The following PTPRN2 variants were observed in gnomAD, a reference collection of about 807,000 sequenced individuals.
PTPRN2 encodes protein tyrosine phosphatase receptor type N2.
Under a neutral mutation model 118.8 loss-of-function variants are expected in PTPRN2, and 74 were observed. The ratio of observed to expected loss-of-function variants is 0.62; its 90% CI spans 0.52 to 0.76. The LOEUF (loss-of-function observed/expected upper bound fraction) is 0.76, where lower values mean the gene tolerates loss of function less well. Among genes scored for constraint, PTPRN2 ranks in the 30% least tolerant of loss-of-function variants. PTPRN2 has a pLI of 0.00. For synonymous variants in PTPRN2, 641 were observed against 608.0 expected, an observed-to-expected ratio of 1.05 and a Z score of -0.80; for missense variants, 1,481 against 1,394.4, an observed-to-expected ratio of 1.06 and a Z score of -0.99.
intron 12 of PTPRN2, among the ~76,000 whole-genome samples, chr7:157,877,889 G>C (rs1487011606): frequency 6.6e-6 from 1 of 152,208 alleles, no homozygotes; most frequent in Non-Finnish European, 1.5e-5. Context: ...GGGAGAAGAG[G>C]AACAGGAAAT....
At chr7:158,492,709 T>C (rs991730912) in intron 1 of PTPRN2, among the ~76,000 whole-genome samples, 1 of 152,282 alleles carries the variant, frequency 6.6e-6, no homozygotes, top group Non-Finnish European at 1.5e-5. Flanking sequence ...TTATTTGTTC[T>C]AAAATTACGA....
chr7:158,021,923 TA>T (rs1194293100), intron 11 of PTPRN2, among the ~76,000 whole-genome samples: 1 of 152,118 alleles, frequency 6.6e-6, no homozygotes, highest in Non-Finnish European at 1.5e-5. Context: ...AGTATTAAAA[TA>T]AAAAATGAGG....
chr7:158,063,590 CTT>C (rs1810525198), intron 11 of PTPRN2, among the ~76,000 whole-genome samples: 1 of 152,214 alleles, frequency 6.6e-6, no homozygotes, highest in Non-Finnish European at 1.5e-5. Context: ...GCTGCTCACT[CTT>C]TGGGTCTGCA....
intron 5 of PTPRN2, among the ~76,000 whole-genome samples, chr7:158,188,644 T>C (rs1209565173): frequency 9.5e-4 from 103 of 107,944 alleles, no homozygotes; most frequent in Non-Finnish European, 1.6e-3. Flanking sequence ...GCCGCCACGC[T>C]CGCCCCCTGA....
intron 6 of PTPRN2, among the ~76,000 whole-genome samples, chr7:158,151,513 C>CTGCCCACA (rs1821143203): frequency 3.4e-5 from 5 of 147,722 alleles, no homozygotes; most frequent in Non-Finnish European, 6.0e-5. Context: ...CTTTCTGCTC[C>CTGCCCACA]TCACCGCACG....
intron 12 of PTPRN2, among the ~76,000 whole-genome samples, chr7:157,829,149 T>C (rs1157513805): frequency 1.3e-5 from 2 of 152,256 alleles, no homozygotes; most frequent in East Asian, 1.9e-4. Context: ...ACATTTTTAA[T>C]AAGGACAACT....
chr7:158,543,116 C>T (rs749154254), intron 1 of PTPRN2, among the ~76,000 whole-genome samples: 4 of 152,256 alleles, frequency 2.6e-5, no homozygotes, highest in Non-Finnish European at 5.9e-5. Flanking sequence ...AAAAGGTCTT[C>T]TGCTTTAAAA....
intron 2 of PTPRN2, among the ~76,000 whole-genome samples, chr7:158,332,370 A>G (rs1169542957): frequency 1.6e-5 from 2 of 128,864 alleles, no homozygotes; most frequent in Non-Finnish European, 3.6e-5. Flanking sequence ...CTCTCACCAT[A>G]AGAGGTGACA....
intron 10 of PTPRN2, among the ~76,000 whole-genome samples, chr7:158,084,275 C>G (rs1813080783): frequency 6.7e-6 from 1 of 150,366 alleles, no homozygotes; most frequent in Non-Finnish European, 1.5e-5. Flanking sequence ...CAACCCCACC[C>G]ACCACCCCCC....
intron 17 of PTPRN2, among the ~76,000 whole-genome samples, chr7:157,588,860 G>A (rs998411030): frequency 4.6e-5 from 7 of 151,942 alleles, no homozygotes; most frequent in African/African-American, 7.3e-5. Flanking sequence ...CCTCCCACCA[G>A]CTGTGTGGAT....
At chr7:158,252,879 C>G (rs1291813582) in intron 3 of PTPRN2, among the ~76,000 whole-genome samples, 1 of 151,648 alleles carries the variant, frequency 6.6e-6, no homozygotes, top group East Asian at 2.0e-4. Context: ...TGCCGGAAAA[C>G]GACCCCATAT....
At position 157,540,317 on chromosome 7, in the gene PTPRN2, G is replaced by C. The variant is rs1002898657; in HGVS notation, c.*397C>G. 1 of 157,340 alleles carries C rather than the reference G, an allele frequency of 6.4e-6. No individual in the cohort carries two copies. Among genetic ancestry groups the C allele is most frequent in the Admixed American group, 6.5e-5 (1 of 15,486 alleles). The allele number at this position is 157,340 out of a possible 1,614,324, so 9.7% of individuals were successfully genotyped here. A position where few individuals can be genotyped will look rare whatever the true frequency, so the allele number is the denominator to read the frequency against. On this transcript the variant is annotated 3_prime_UTR_variant, in exon 23 of 23. Coordinates refer to ENST00000389418, the MANE Select transcript of PTPRN2 (RefSeq NM_002847.5). ...CTCACTGAGTGCTGCCAGCTTCCCCGGCCACTCCTGCACAGTGGATCCACC... is the reference window on the plus strand; with the variant it reads ...CTCACTGAGTGCTGCCAGCTTCCCCCGCCACTCCTGCACAGTGGATCCACC...
In PTPRN2 at chr7:158,280,397, G is replaced by A. The variant is rs986006306; in HGVS notation, c.277+36422C>T. On this transcript the variant is annotated intron_variant, in intron 3 of 22. Transcript: ENST00000389418. Reference sequence around the variant, plus strand: ...GCTTTGGTCTGACACCGGCAGGGAGGGACAGCGACGAGGGCAGGAGCCGCG... The same window carrying A: ...GCTTTGGTCTGACACCGGCAGGGAGAGACAGCGACGAGGGCAGGAGCCGCG... Among the ~76,000 whole-genome samples, 83 of 152,200 alleles carry A rather than the reference G, an allele frequency of 5.5e-4. 1 individual carries two copies. The highest frequency in any genetic ancestry group is 1.8e-3 in the African/African-American group (76 of 41,456).
chr7:158,262,508 G>GCACACA (rs10694811), intron 3 of PTPRN2, among the ~76,000 whole-genome samples: 1 of 143,178 alleles, frequency 7.0e-6, no homozygotes, highest in Admixed American at 6.9e-5. Context: ...CACACACACT[G>GCACACA]CACACACATT....
intron 13 of PTPRN2, among the ~76,000 whole-genome samples, chr7:157,677,395 T>C (rs1796719918): frequency 1.3e-5 from 2 of 152,128 alleles, no homozygotes; most frequent in South Asian, 4.1e-4. Context: ...CATGCTTCTG[T>C]TTTATGTTTA....
chr7:157,791,617 C>T (rs1258617954), intron 12 of PTPRN2, among the ~76,000 whole-genome samples: 1 of 150,870 alleles, frequency 6.6e-6, no homozygotes, highest in Non-Finnish European at 1.5e-5. Context: ...GTGGTGAGAG[C>T]GGAGGGGCTC....
At chr7:158,424,426 G>A (rs1398617998) in intron 2 of PTPRN2, among the ~76,000 whole-genome samples, 1 of 152,136 alleles carries the variant, frequency 6.6e-6, no homozygotes, top group Non-Finnish European at 1.5e-5. Flanking sequence ...AGCTCCGGGG[G>A]CCGAGTGAAC....
chr7:157,596,893 A>G lies in PTPRN2; in HGVS notation c.2419-1578T>C, dbSNP rs759502540. 1.3e-5 allele frequency among the ~76,000 whole-genome samples: 2 copies of G among 152,260 alleles called. No individual in the cohort carries two copies. The highest frequency in any genetic ancestry group is 4.8e-5 in the African/African-American group (2 of 41,472). ...ACATTTCTCAACACAGTGAAAAATG[A>G]GCAAATTTTAACCCTATGCAATTTT... On this transcript the variant is annotated intron_variant, in intron 16 of 22. Coordinates refer to ENST00000389418, the MANE Select transcript of PTPRN2 (RefSeq NM_002847.5). This position sits in a 1 kb window ranked among gnomAD's most constrained non-coding sequence, Gnocchi z 4.2.
chr7:158,504,805 TTTCCAATATTTCCCA>T (rs1462854491), intron 1 of PTPRN2, among the ~76,000 whole-genome samples: 1 of 152,250 alleles, frequency 6.6e-6, no homozygotes, highest in Non-Finnish European at 1.5e-5. Context: ...CTTTACATTG[TTTCCAATATTTCCCA>T]TTAAAAATAA....
Sources: allele counts gnomAD v4.1 joint callset (sites outside exome capture counted in the v4.1 genomes callset), GRCh38; gene constraint gnomAD v4.1.1; non-coding constraint Gnocchi (gnomAD v3.1); transcripts MANE v1.5; gene names NCBI Gene and HGNC (gene_info 2026-07-23, HGNC 2026-07-21).